The following DLGAP1 variants were observed in gnomAD, a reference collection of about 807,000 sequenced individuals.
DLGAP1 encodes disks large-associated protein 1.
DLGAP1 carries 11 observed loss-of-function variants against 90.8 expected under a neutral mutation model. That is an observed-to-expected ratio of 0.12 (90% CI 0.08 to 0.20). The LOEUF is 0.20. Ranked by LOEUF, DLGAP1 falls within the 10% of genes least tolerant of loss-of-function variation. The pLI, the probability that DLGAP1 is intolerant of heterozygous loss-of-function variation, is 1.00. For missense variants in DLGAP1, 1,050 were observed against 1,333.8 expected (o/e 0.79, Z 3.31); for synonymous variants, 558 against 540.7 (o/e 1.03, Z -0.44).
At chr18:3,939,361 G>C (rs949789628) in intron 3 of DLGAP1, among the ~76,000 whole-genome samples, 11 of 140,126 alleles carry the variant, frequency 7.9e-5, no homozygotes, top group Non-Finnish European at 1.4e-4. Context: ...AGGTTGTAGT[G>C]AGCTGAGATT....
At chr18:4,022,178 T>A (rs1011259023) in intron 2 of DLGAP1, among the ~76,000 whole-genome samples, 3 of 152,252 alleles carry the variant, frequency 2.0e-5, no homozygotes, top group South Asian at 2.1e-4. Context: ...AAAACTTTTT[T>A]AAACATAGAC....
chr18:3,862,483 T>C (rs2070130495), intron 4 of DLGAP1, among the ~76,000 whole-genome samples: 1 of 152,176 alleles, frequency 6.6e-6, no homozygotes, highest in South Asian at 2.1e-4. Context: ...AATGGAGATA[T>C]CACGTAAGGT....
At chr18:3,638,247 C>CTTT (rs541911033) in intron 7 of DLGAP1, among the ~76,000 whole-genome samples, 5 of 129,878 alleles carry the variant, frequency 3.8e-5, no homozygotes, top group Admixed American at 1.6e-4. Context: ...GTGCCCGGCC[C>CTTT]TTTTTTTTTT....
intron 2 of DLGAP1, among the ~76,000 whole-genome samples, chr18:4,129,899 A>C (rs1048008528): frequency 2.6e-5 from 4 of 152,216 alleles, no homozygotes; most frequent in African/African-American, 9.6e-5. Flanking sequence ...CATGAATGCA[A>C]CATAATCAGT....
chr18:3,680,542 C>T (rs1156613327), intron 7 of DLGAP1, among the ~76,000 whole-genome samples: 1 of 152,194 alleles, frequency 6.6e-6, no homozygotes, highest in Non-Finnish European at 1.5e-5. Context: ...AATCCCAGCA[C>T]TTTGGGAGGC....
chr18:4,033,218 A>G (rs2074827453), intron 2 of DLGAP1, among the ~76,000 whole-genome samples: 1 of 151,946 alleles, frequency 6.6e-6, no homozygotes, highest in South Asian at 2.1e-4. Flanking sequence ...TAAAACATTG[A>G]AACAGTTCAG....
intron 1 of DLGAP1, among the ~76,000 whole-genome samples, chr18:4,254,721 T>C (rs1365894862): frequency 6.6e-6 from 1 of 152,178 alleles, no homozygotes; most frequent in Admixed American, 6.5e-5. Context: ...AGTGAACACA[T>C]TTCCTTCCCA....
intron 2 of DLGAP1, among the ~76,000 whole-genome samples, chr18:4,047,959 C>A (rs560261390): frequency 7.9e-5 from 12 of 152,156 alleles, no homozygotes; most frequent in African/African-American, 2.7e-4. Flanking sequence ...CCATGCCCAG[C>A]GAAGTTTTTC....
chr18:4,026,253 G>A (rs1207029077), intron 2 of DLGAP1, among the ~76,000 whole-genome samples: 1 of 152,198 alleles, frequency 6.6e-6, no homozygotes, highest in African/African-American at 2.4e-5. Flanking sequence ...CATGCCAGGG[G>A]TCAGTGGGTG....
intron 2 of DLGAP1, among the ~76,000 whole-genome samples, chr18:4,043,438 C>A (rs1460717520): frequency 6.6e-6 from 1 of 152,168 alleles, no homozygotes; most frequent in Non-Finnish European, 1.5e-5. Flanking sequence ...TATATTAAAA[C>A]CTCTTCAACA....
chr18:3,661,175 G>A (rs867414918), intron 7 of DLGAP1, among the ~76,000 whole-genome samples: 6 of 152,060 alleles, frequency 3.9e-5, no homozygotes, highest in Admixed American at 3.3e-4. Context: ...TGAGATTATC[G>A]GCATGTACCA....
chr18:4,254,038 T>C (rs2078836291), intron 1 of DLGAP1, among the ~76,000 whole-genome samples: 1 of 152,128 alleles, frequency 6.6e-6, no homozygotes, highest in South Asian at 2.1e-4. Context: ...ACATAACCCA[T>C]GATGCACAAT....
chr18:3,502,701 G>A, intron 11 of DLGAP1, 56 bp from the exon 12 acceptor site: 1 of 1,546,420 alleles, frequency 6.5e-7, no homozygotes, highest in Admixed American at 2.1e-5. Flanking sequence ...GACAAGCACA[G>A]GGCCAAAAAG....
At chr18:4,340,005 G>A (rs1338747935) in intron 1 of DLGAP1, among the ~76,000 whole-genome samples, 2 of 152,036 alleles carry the variant, frequency 1.3e-5, no homozygotes, top group African/African-American at 4.8e-5. Context: ...TCTTATCAAT[G>A]GGGGATATCT....
intron 3 of DLGAP1, among the ~76,000 whole-genome samples, chr18:4,002,743 G>A (rs952198957): frequency 1.3e-5 from 2 of 152,000 alleles, no homozygotes; most frequent in African/African-American, 2.4e-5. Flanking sequence ...TCCCCTAATC[G>A]CCACATTATT....
chr18:3,863,141 T>G (rs1271402480), intron 4 of DLGAP1, among the ~76,000 whole-genome samples: 1 of 152,256 alleles, frequency 6.6e-6, no homozygotes, highest in Non-Finnish European at 1.5e-5. Context: ...CTACGGTGAC[T>G]GAGAAACTGG....
chr18:3,963,418 G>A (rs1209175549), intron 3 of DLGAP1, among the ~76,000 whole-genome samples: 2 of 152,166 alleles, frequency 1.3e-5, no homozygotes, highest in Non-Finnish European at 2.9e-5. Context: ...GCATGAGGAT[G>A]AGGTGCCCAG....
At chr18:3,922,574 T>C (rs577837618) in intron 3 of DLGAP1, among the ~76,000 whole-genome samples, 3 of 152,222 alleles carry the variant, frequency 2.0e-5, no homozygotes, top group Non-Finnish European at 2.9e-5. Flanking sequence ...CTTGGACATA[T>C]TGCAAATCAT....
At chr18:3,555,700 C>T (rs147706586) in intron 9 of DLGAP1, among the ~76,000 whole-genome samples, 1,604 of 152,156 alleles carry the variant, frequency 0.011, 12 homozygotes, top group Non-Finnish European at 0.016. Context: ...ATCCTAGCTA[C>T]TTAGGAGGCT....
Sources: allele counts gnomAD v4.1 joint callset (sites outside exome capture counted in the v4.1 genomes callset), GRCh38; gene constraint gnomAD v4.1.1; transcripts MANE v1.5; gene names NCBI Gene and HGNC (gene_info 2026-07-23, HGNC 2026-07-21).